Variants in DGKB observed in about 807,000 individuals in gnomAD.
DGKB encodes the protein 90 kDa diacylglycerol kinase.
A neutral mutation model predicts 114.3 loss-of-function variants in DGKB; 67 were observed. That is an observed-to-expected ratio of 0.59 (90% CI 0.48 to 0.72). The LOEUF is 0.72. Ranked by LOEUF, DGKB falls within the 30% of genes least tolerant of loss-of-function variation. The pLI, the probability that DGKB is intolerant of heterozygous loss-of-function variation, is 0.00. For synonymous variants in DGKB, 398 were observed against 323.1 expected (o/e 1.23, Z -2.49); for missense variants, 907 against 975.2 (o/e 0.93, Z 0.93).
chr7:14,459,524 A>T (rs1024482253), intron 21 of DGKB, among the ~76,000 whole-genome samples: 1 of 152,272 alleles, frequency 6.6e-6, no homozygotes, highest in African/African-American at 2.4e-5. Context: ...TCAACTTAAC[A>T]AAAGAAAGCA....
chr7:14,572,872 G>A (rs956260265), intron 20 of DGKB, among the ~76,000 whole-genome samples: 4 of 152,072 alleles, frequency 2.6e-5, no homozygotes, highest in African/African-American at 9.7e-5. Context: ...AGTGGTATTT[G>A]GTTACATGAG....
intron 1 of DGKB, among the ~76,000 whole-genome samples, chr7:14,958,656 C>T (rs557827676): frequency 6.6e-6 from 1 of 151,400 alleles, no homozygotes; most frequent in East Asian, 1.9e-4. Context: ...CAACTCTAGC[C>T]TGTTTGTGGC....
At chr7:14,734,056 A>G (rs1831333916) in intron 5 of DGKB, among the ~76,000 whole-genome samples, 1 of 146,776 alleles carries the variant, frequency 6.8e-6, no homozygotes, top group South Asian at 2.1e-4. Flanking sequence ...TGGTGTGTGA[A>G]ATGGAGTCTC....
chr7:14,495,398 G>A (rs1289028580), intron 20 of DGKB, among the ~76,000 whole-genome samples: 1 of 151,664 alleles, frequency 6.6e-6, no homozygotes, highest in East Asian at 1.9e-4. Context: ...CAATTTCACT[G>A]TTATTACACA....
At chr7:14,379,517 G>A (rs1357700456) in intron 21 of DGKB, among the ~76,000 whole-genome samples, 1 of 151,678 alleles carries the variant, frequency 6.6e-6, no homozygotes, top group African/African-American at 2.4e-5. Flanking sequence ...TAACCCCTTA[G>A]TGGATGACTT....
At chr7:14,788,494 G>C (rs1288759823) in intron 2 of DGKB, among the ~76,000 whole-genome samples, 1 of 152,064 alleles carries the variant, frequency 6.6e-6, no homozygotes, top group East Asian at 1.9e-4. Flanking sequence ...ACAAACCAAT[G>C]AATCCAGTCT....
chr7:14,557,514 ACTTT>A (rs1796046897), intron 20 of DGKB, among the ~76,000 whole-genome samples: 1 of 151,940 alleles, frequency 6.6e-6, no homozygotes. Context: ...TTGCATCTTA[ACTTT>A]CTATTTGTCT....
chr7:14,415,120 A>G (rs943928662), intron 21 of DGKB, among the ~76,000 whole-genome samples: 13 of 151,884 alleles, frequency 8.6e-5, no homozygotes, highest in East Asian at 1.9e-4. Flanking sequence ...TATAATACAT[A>G]TTATATAAAG....
intron 2 of DGKB, among the ~76,000 whole-genome samples, chr7:14,817,571 A>G (rs1385347585): frequency 6.6e-6 from 1 of 152,218 alleles, no homozygotes; most frequent in Non-Finnish European, 1.5e-5. Context: ...AAGGTTGTAA[A>G]AATTTTTCTC....
At chr7:14,624,647 C>A (rs1160051632) in intron 14 of DGKB, among the ~76,000 whole-genome samples, 3 of 152,016 alleles carry the variant, frequency 2.0e-5, no homozygotes, top group Non-Finnish European at 4.4e-5. Context: ...AAGTAGTCAC[C>A]CCCCTAAGTA....
At chr7:14,826,196 G>T (rs561836052) in intron 2 of DGKB, among the ~76,000 whole-genome samples, 2 of 152,056 alleles carry the variant, frequency 1.3e-5, no homozygotes, top group Non-Finnish European at 2.9e-5. Context: ...AAATGGATTC[G>T]GCCTGGGAGA....
chr7:14,554,432 T>C (rs1795576062), intron 20 of DGKB, among the ~76,000 whole-genome samples: 1 of 152,190 alleles, frequency 6.6e-6, no homozygotes, highest in Non-Finnish European at 1.5e-5. Context: ...ATTTTCAAAT[T>C]GATAAATTTT....
At chr7:14,547,122 T>A (rs921825404) in intron 20 of DGKB, among the ~76,000 whole-genome samples, 1 of 152,142 alleles carries the variant, frequency 6.6e-6, no homozygotes, top group East Asian at 1.9e-4. Context: ...AAGGTCAAAA[T>A]CCTTTTCTCC....
intron 1 of DGKB, among the ~76,000 whole-genome samples, chr7:14,863,208 T>G (rs929234579): frequency 2.9e-4 from 44 of 151,806 alleles, no homozygotes; most frequent in African/African-American, 9.9e-4. Flanking sequence ...TGTAATTGTG[T>G]GTGTGTGAGT....
At chr7:14,213,540 G>C (rs549775612) in intron 23 of DGKB, among the ~76,000 whole-genome samples, 5 of 152,226 alleles carry the variant, frequency 3.3e-5, no homozygotes, top group African/African-American at 1.2e-4. Context: ...CTGGAGCAAG[G>C]GGAAGGTATG....
chr7:14,290,115 C>G (rs1801522529), intron 23 of DGKB, among the ~76,000 whole-genome samples: 1 of 152,142 alleles, frequency 6.6e-6, no homozygotes, highest in African/African-American at 2.4e-5. Context: ...TGTTCACAGA[C>G]AAACTGCAGG....
In DGKB at chr7:14,673,042, A is replaced by C. The variant is rs1303715384; in HGVS notation, c.1036-15T>G. On this transcript the variant is annotated splice_polypyrimidine_tract_variant and intron_variant, in intron 12 of 25. Coordinates refer to ENST00000402815, the MANE Select transcript of DGKB (RefSeq NM_001350709.2). The stretch of plus-strand genomic sequence containing the variant: ...TTATTATGCAGCTAGAAAAACAGAA[A>C]GGGGGATAGTATCAAATTCTACATG... The C allele has an allele frequency of 3.4e-6, 5 of 1,488,916 alleles. No homozygotes were observed. Among genetic ancestry groups the C allele is most frequent in the Non-Finnish European group, 4.6e-6 (5 of 1,087,618 alleles). The allele number at this position is 1,488,916 out of a possible 1,614,324, so 92.2% of individuals were successfully genotyped here.
intron 2 of DGKB, among the ~76,000 whole-genome samples, chr7:14,769,707 T>G (rs1837128391): frequency 6.6e-6 from 1 of 152,052 alleles, no homozygotes; most frequent in Non-Finnish European, 1.5e-5. Flanking sequence ...TCAGCAGGGT[T>G]GTTTTTTTCT....
chr7:14,538,034 C>A (rs1353636502), intron 20 of DGKB, among the ~76,000 whole-genome samples: 1 of 126,232 alleles, frequency 7.9e-6, no homozygotes, highest in Non-Finnish European at 1.6e-5. Flanking sequence ...GAGCTGAGAT[C>A]ATGCGTTTGC....
Sources: gnomAD v4.1 joint callset for allele counts (sites outside exome capture counted in the v4.1 genomes callset) on GRCh38, gnomAD v4.1.1 for gene constraint, MANE v1.5 for transcripts, NCBI Gene and HGNC (gene_info 2026-07-23, HGNC 2026-07-21) for gene names.